The following UNC5C variants were observed in gnomAD, a reference collection of about 807,000 sequenced individuals.
UNC5C encodes the protein netrin receptor UNC5C.
Under a neutral mutation model 99.8 loss-of-function variants are expected in UNC5C, and 47 were observed. That is an observed-to-expected ratio of 0.47 (90% CI 0.37 to 0.60). UNC5C has a LOEUF of 0.60. Among genes scored for constraint, UNC5C ranks in the 20% least tolerant of loss-of-function variants. UNC5C has a pLI of 0.00. For synonymous variants in UNC5C, 487 were observed against 452.2 expected, an observed-to-expected ratio of 1.08 and a Z score of -0.98; for missense variants, 1,062 against 1,165.9, an observed-to-expected ratio of 0.91 and a Z score of 1.30.
intron 2 of UNC5C, among the ~76,000 whole-genome samples, chr4:95,326,559 A>C (rs1001679103): frequency 6.6e-6 from 1 of 152,204 alleles, no homozygotes; most frequent in African/African-American, 2.4e-5. Context: ...ACTTTCAAAT[A>C]TTGAAAATTT....
chr4:95,260,829 C>A (rs933128090), intron 4 of UNC5C, among the ~76,000 whole-genome samples: 5 of 151,922 alleles, frequency 3.3e-5, no homozygotes, highest in African/African-American at 1.2e-4. Flanking sequence ...AGAAGTTGCC[C>A]AAGGGTAAAA....
chr4:95,170,271 C>T lies in UNC5C; in HGVS notation c.2513G>A (p.Gly838Glu). ...GAGAGGGATGCTGAAAGCACTGGGC[C>T]CCGTGACCGTGGTGATGGTGTTCGC... ...DPANTITTVT[G>E]PSAFSIPLPI... is the part of the protein sequence containing the mutation. Residue 838 changes from glycine (G) to glutamate (E), a missense_variant, in exon 15 of 16, where the codon GGG (glycine) becomes GAG (glutamate). Physicochemically the swap from Gly to Glu is moderately conservative, Grantham distance 98. This residue lies in a region of UNC5C where 810 missense variants were observed against 854.5 expected (regional missense o/e 0.95). Coordinates refer to ENST00000453304, the MANE Select transcript of UNC5C (RefSeq NM_003728.4). 5 of 1,614,096 alleles carry T rather than the reference C, an allele frequency of 3.1e-6. No individual in the cohort carries two copies. Among genetic ancestry groups the T allele is most frequent in the Non-Finnish European group, 4.2e-6 (5 of 1,180,038 alleles).
At chr4:95,190,874 A>G (rs574460762) in intron 12 of UNC5C, among the ~76,000 whole-genome samples, 1 of 152,314 alleles carries the variant, frequency 6.6e-6, no homozygotes, top group East Asian at 1.9e-4. Flanking sequence ...ATATTGATTC[A>G]GGGAGCCTGT....
At chr4:95,348,152 A>G (rs1743847757) in intron 1 of UNC5C, among the ~76,000 whole-genome samples, 1 of 152,144 alleles carries the variant, frequency 6.6e-6, no homozygotes, top group South Asian at 2.1e-4. Context: ...AGGTATATGC[A>G]AAGGTGCTCA....
chr4:95,212,863 A>T (rs1272729582), intron 10 of UNC5C, among the ~76,000 whole-genome samples: 1 of 152,064 alleles, frequency 6.6e-6, no homozygotes, highest in Non-Finnish European at 1.5e-5. Flanking sequence ...TCTGAAATAG[A>T]TTCTCTCCAT....
At chr4:95,434,485 G>T (rs935331701) in intron 1 of UNC5C, among the ~76,000 whole-genome samples, 3 of 152,002 alleles carry the variant, frequency 2.0e-5, no homozygotes, top group African/African-American at 7.2e-5. Context: ...AGACGGACTT[G>T]CCATTGAAGG....
chr4:95,237,946 G>T (rs1399283988), intron 7 of UNC5C, among the ~76,000 whole-genome samples: 3 of 152,152 alleles, frequency 2.0e-5, no homozygotes, highest in African/African-American at 7.2e-5. Flanking sequence ...GGAGGCTGAG[G>T]CAGGAGAATC....
intron 3 of UNC5C, among the ~76,000 whole-genome samples, chr4:95,292,473 A>AGTCCCTAC (rs1447153517): frequency 2.0e-5 from 3 of 152,020 alleles, no homozygotes; most frequent in Admixed American, 1.3e-4. Flanking sequence ...ATATTTCTTG[A>AGTCCCTAC]GTCCCTACAT....
At chr4:95,482,946 A>G (rs1307403466) in intron 1 of UNC5C, among the ~76,000 whole-genome samples, 1 of 142,452 alleles carries the variant, frequency 7.0e-6, no homozygotes, top group Non-Finnish European at 1.5e-5. Flanking sequence ...CCAGCATGGC[A>G]CATGTATACA....
intron 1 of UNC5C, among the ~76,000 whole-genome samples, chr4:95,389,076 A>G (rs1745286641): frequency 6.6e-6 from 1 of 152,180 alleles, no homozygotes; most frequent in African/African-American, 2.4e-5. Flanking sequence ...TGGCAATTTG[A>G]TAGGCCTGCT....
intron 1 of UNC5C, among the ~76,000 whole-genome samples, chr4:95,436,842 A>G (rs1264052305): frequency 1.3e-5 from 2 of 152,036 alleles, no homozygotes; most frequent in Middle Eastern, 3.4e-3. Context: ...ATGATCTTTA[A>G]TGGAATTTTC....
intron 12 of UNC5C, among the ~76,000 whole-genome samples, chr4:95,200,833 G>T (rs964773862): frequency 6.6e-6 from 1 of 152,054 alleles, no homozygotes; most frequent in African/African-American, 2.4e-5. Context: ...AAAAGAAAAG[G>T]CACAGTCACT....
intron 1 of UNC5C, among the ~76,000 whole-genome samples, chr4:95,532,470 G>T (rs919022607): frequency 7.1e-6 from 1 of 140,714 alleles, no homozygotes; most frequent in East Asian, 2.3e-4. Context: ...AAAAAATCCC[G>T]ATTACATTCT....
At chr4:95,207,406 G>T (rs1326095979) in intron 10 of UNC5C, among the ~76,000 whole-genome samples, 1 of 152,066 alleles carries the variant, frequency 6.6e-6, no homozygotes, top group African/African-American at 2.4e-5. Context: ...CATGCTCAGA[G>T]AATCTGGGCA....
At chr4:95,443,591 G>A (rs1460576233) in intron 1 of UNC5C, among the ~76,000 whole-genome samples, 1 of 152,020 alleles carries the variant, frequency 6.6e-6, no homozygotes, top group African/African-American at 2.4e-5. Context: ...TCTTTTATTT[G>A]GAACTCACTG....
intron 10 of UNC5C, among the ~76,000 whole-genome samples, chr4:95,207,511 T>C (rs1045837645): frequency 3.9e-5 from 6 of 152,186 alleles, no homozygotes; most frequent in African/African-American, 1.4e-4. Context: ...AGCAAATGGA[T>C]AAATTAACCT....
chr4:95,413,521 G>T (rs781616147), intron 1 of UNC5C, among the ~76,000 whole-genome samples: 42 of 152,142 alleles, frequency 2.8e-4, no homozygotes, highest in Admixed American at 2.8e-3. Flanking sequence ...TGTATGGAGG[G>T]TCTTATTACC....
chr4:95,547,074 C>T (rs1000354214), intron 1 of UNC5C, among the ~76,000 whole-genome samples: 2 of 151,832 alleles, frequency 1.3e-5, no homozygotes, highest in African/African-American at 2.4e-5. Flanking sequence ...CCTCTAAGCA[C>T]CCTTGGCTAG....
chr4:95,180,330 A>C (rs536924921), intron 14 of UNC5C, among the ~76,000 whole-genome samples: 1 of 152,278 alleles, frequency 6.6e-6, no homozygotes, highest in South Asian at 2.1e-4. Flanking sequence ...GATGTGAAAA[A>C]ACTGTAAATT....
Sources: allele counts gnomAD v4.1 joint callset (sites outside exome capture counted in the v4.1 genomes callset), GRCh38; gene constraint gnomAD v4.1.1; regional missense constraint gnomAD v4.1.1; transcripts MANE v1.5; gene names NCBI Gene and HGNC (gene_info 2026-07-23, HGNC 2026-07-21).